Variants in FIRRM observed in about 807,000 individuals in gnomAD.
FIRRM encodes the protein FIGNL1-interacting regulator of recombination and mitosis.
chr1:169,789,459 T>C, the FIRRM span, among the ~76,000 whole-genome samples: 1 of 152,312 alleles, frequency 6.6e-6, no homozygotes, highest in Non-Finnish European at 1.5e-5. Flanking sequence ...CACAGAGACA[T>C]TTCCATGAGT....
chr1:169,810,719 A>G, the FIRRM span, among the ~76,000 whole-genome samples: 2 of 152,048 alleles, frequency 1.3e-5, no homozygotes, highest in African/African-American at 4.8e-5. Context: ...TCAACCCATA[A>G]CAACCCCTAA....
the FIRRM span, among the ~76,000 whole-genome samples, chr1:169,833,233 T>C: frequency 2.0e-5 from 3 of 152,180 alleles, no homozygotes; most frequent in Non-Finnish European, 4.4e-5. Flanking sequence ...TTGTAGGAGC[T>C]CTTTTAAAAA....
the FIRRM span, among the ~76,000 whole-genome samples, chr1:169,833,929 G>A: frequency 1.4e-5 from 2 of 141,872 alleles, no homozygotes; most frequent in African/African-American, 2.6e-5. Flanking sequence ...GAACTCAGAC[G>A]ATCCTCCTGC....
At chr1:169,832,985 G>C in the FIRRM span, among the ~76,000 whole-genome samples, 1 of 152,060 alleles carries the variant, frequency 6.6e-6, no homozygotes, top group Non-Finnish European at 1.5e-5. Flanking sequence ...TTGTTGCTGG[G>C]TATAGATTTT....
the FIRRM span, chr1:169,830,845 C>T: frequency 9.3e-7 from 1 of 1,078,856 alleles, no homozygotes; most frequent in Non-Finnish European, 1.4e-6. Context: ...GGAGAAATAT[C>T]ACAGTAACAA....
chr1:169,848,926 T>C, the FIRRM span, among the ~76,000 whole-genome samples: 3 of 152,344 alleles, frequency 2.0e-5, no homozygotes, highest in African/African-American at 7.2e-5. Context: ...GATTTATCCA[T>C]TCGGGAAAGA....
At chr1:169,826,083 CT>C in the FIRRM span, 5 of 324,406 alleles carry the variant, frequency 1.5e-5, no homozygotes, top group South Asian at 5.5e-5. Context: ...CTTTTTTTTT[CT>C]TTTTTGAGAT....
At chr1:169,843,660 T>C in the FIRRM span, 1 of 1,575,876 alleles carries the variant, frequency 6.3e-7, no homozygotes, top group East Asian at 2.2e-5. Context: ...TCAAAATTAC[T>C]TTGTGTTTCT....
chr1:169,813,437 T>G, the FIRRM span, among the ~76,000 whole-genome samples: 1 of 152,228 alleles, frequency 6.6e-6, no homozygotes, highest in Non-Finnish European at 1.5e-5. Context: ...ATCAGAAAAC[T>G]CACACATATT....
chr1:169,791,139 C>T, the FIRRM span, among the ~76,000 whole-genome samples: 1 of 152,220 alleles, frequency 6.6e-6, no homozygotes, highest in African/African-American at 2.4e-5. Context: ...CCGTGCAGCT[C>T]AGTTCCTAAC....
the FIRRM span, among the ~76,000 whole-genome samples, chr1:169,785,543 CT>C: frequency 6.6e-6 from 1 of 152,072 alleles, no homozygotes; most frequent in South Asian, 2.1e-4. Flanking sequence ...TGGAGTTTGG[CT>C]GTCCAGCAGC....
chr1:169,795,487 T>A, the FIRRM span: 1 of 1,233,654 alleles, frequency 8.1e-7, no homozygotes, highest in Non-Finnish European at 1.0e-6. Flanking sequence ...CTTCCATTCC[T>A]TCTTTCAGTT....
At chr1:169,802,825 C>G in the FIRRM span, 1 of 660,382 alleles carries the variant, frequency 1.5e-6, no homozygotes, top group East Asian at 2.7e-5. Context: ...ATGTAATGGC[C>G]TAATGTTGGA....
the FIRRM span, among the ~76,000 whole-genome samples, chr1:169,840,881 A>AT: frequency 2.0e-5 from 3 of 152,058 alleles, no homozygotes; most frequent in Admixed American, 6.6e-5. Context: ...TTGTACATTG[A>AT]TTTTGTATCC....
At chr1:169,792,899 A>G in the FIRRM span, 2 of 1,614,176 alleles carry the variant, frequency 1.2e-6, no homozygotes, top group African/African-American at 2.7e-5. Flanking sequence ...CTCACCAGAA[A>G]AAAATCGGCA....
the FIRRM span, chr1:169,795,843 G>GA: frequency 2.4e-6 from 2 of 833,376 alleles, no homozygotes; most frequent in African/African-American, 1.3e-4. Flanking sequence ...GAGTCTTTCT[G>GA]AAAGAGTTCT....
chr1:169,854,062 C>T, the FIRRM span: 1 of 582,526 alleles, frequency 1.7e-6, no homozygotes, highest in Non-Finnish European at 2.9e-6. Flanking sequence ...AAAAAGGTTA[C>T]AATAGCTCAT....
chr1:169,837,138 TATTC>T, the FIRRM span: 1 of 1,552,318 alleles, frequency 6.4e-7, no homozygotes, highest in Non-Finnish European at 8.7e-7. Flanking sequence ...TGATTTATTT[TATTC>T]ATTCAGCAGC....
At chr1:169,798,458 C>T in the FIRRM span, among the ~76,000 whole-genome samples, 4 of 151,894 alleles carry the variant, frequency 2.6e-5, no homozygotes, top group African/African-American at 4.8e-5. Context: ...TAAGTAGAGA[C>T]GGGTTCTCAC....
Sources: allele counts gnomAD v4.1 joint callset (sites outside exome capture counted in the v4.1 genomes callset), GRCh38; gene constraint gnomAD v4.1.1; transcripts MANE v1.5; gene names NCBI Gene and HGNC (gene_info 2026-07-23, HGNC 2026-07-21).